The following FBXO7 variants were observed in gnomAD, a reference collection of about 807,000 sequenced individuals.
FBXO7 encodes F-box only protein 7.
Under a neutral mutation model 50.2 loss-of-function variants are expected in FBXO7, and 31 were observed. The observed-to-expected ratio is 0.62, with a 90% confidence interval of 0.46 to 0.83. The LOEUF (loss-of-function observed/expected upper bound fraction) is 0.83. Among genes scored for constraint, FBXO7 ranks in the 40% least tolerant of loss-of-function variants. FBXO7 has a pLI of 0.00. For missense variants in FBXO7, 667 were observed against 646.6 expected (o/e 1.03, Z -0.34); for synonymous variants, 256 against 253.1 (o/e 1.01, Z -0.11).
Position 32,493,137 on chromosome 22 carries a change from G to T in FBXO7, c.1000G>T (p.Val334Phe). Residue 334 changes from valine (V) to phenylalanine (F), a missense_variant, in exon 7 of 9, where the codon GTC (valine) becomes TTC (phenylalanine). Coordinates refer to ENST00000266087, the MANE Select transcript of FBXO7 (RefSeq NM_012179.4). ...CCTACCAGATGTATTTGGGTTGGTCGTCCTCCCATTGGAACTGAAACTACG... is the reference window on the plus strand; with the variant it reads ...CCTACCAGATGTATTTGGGTTGGTCTTCCTCCCATTGGAACTGAAACTACG... ...LNLPDVFGLV[V>F]LPLELKLRIF... 6.2e-7 allele frequency: 1 copy of T among 1,614,018 alleles called. No individual in the cohort carries two copies. The highest frequency in any genetic ancestry group is 8.5e-7 in the Non-Finnish European group (1 of 1,179,986).
intron 1 of FBXO7, chr22:32,476,010 G>C (rs2057426107): frequency 6.6e-6 from 1 of 152,138 alleles, no homozygotes; most frequent in Non-Finnish European, 1.5e-5. Flanking sequence ...ACTTGAGTGT[G>C]CTAAGGAAAA....
rs564650251 is a variant in FBXO7, at chr22:32,479,188, C to T, written c.330C>T (p.Ser110=). ...NNEQPSLATS[S]NQTSMQDEQP... is the part of the protein sequence containing the mutation. ...AGCAACCCTCTTTGGCCACCAGCTC[C>T]AATCAGACTAGCATGCAGGATGAAC... Residue 110 remains serine, a synonymous_variant, in exon 2 of 9, where the codon TCC becomes TCT. Coordinates refer to ENST00000266087, the MANE Select transcript of FBXO7 (RefSeq NM_012179.4). 24 of 1,614,086 alleles carry T rather than the reference C, an allele frequency of 1.5e-5. No individual in the cohort carries two copies. In the Admixed American group the frequency reaches 2.5e-4, roughly 17 times the overall value.
At chr22:32,479,451 G>A (rs2057450655) in intron 2 of FBXO7, among the ~76,000 whole-genome samples, 176 bp downstream of exon 2, 1 of 147,298 alleles carries the variant, frequency 6.8e-6, no homozygotes, top group South Asian at 2.1e-4. Context: ...AGGCTGGAGT[G>A]CAGTGGCGCA....
chr22:32,491,525 C>G (rs1216129291), intron 6 of FBXO7: 1 of 225,446 alleles, frequency 4.4e-6, no homozygotes, highest in African/African-American at 2.5e-5. Flanking sequence ...TGCTCTTTCT[C>G]TCTGTGTAGA....
rs903085866 is a variant in FBXO7, at chr22:32,479,115, A to G, written c.257A>G (p.Asn86Ser). ...CTTCAAGATGACATTCCAGCGCCTA[A>G]TATACCTTCATCCACAGATTCAGAG... is the stretch of plus-strand genomic sequence containing the variant. ...LILQDDIPAPNIPSSTDSEHS... is the reference protein window; with the variant it reads ...LILQDDIPAPSIPSSTDSEHS... Residue 86 changes from asparagine to serine, a missense_variant, in exon 2 of 9, where the codon AAT becomes AGT. Asn to Ser is a conservative substitution (Grantham distance 46, BLOSUM62 1). Coordinates refer to ENST00000266087, the MANE Select transcript of FBXO7 (RefSeq NM_012179.4). 6.2e-7 allele frequency: 1 copy of G among 1,614,190 alleles called. No homozygotes were observed. The highest frequency in any genetic ancestry group is 2.2e-5 in the East Asian group (1 of 44,876).
chr22:32,482,927 G>A (rs554645779), intron 2 of FBXO7, among the ~76,000 whole-genome samples: 55 of 152,324 alleles, frequency 3.6e-4, no homozygotes, highest in African/African-American at 1.1e-3. Flanking sequence ...AATCAAGCCC[G>A]TTGCAAGGCA....
At chr22:32,492,935 G>T in intron 6 of FBXO7, 170 bp from the exon 7 acceptor site, 1 of 691,866 alleles carries the variant, frequency 1.4e-6, no homozygotes, top group East Asian at 2.7e-5. Flanking sequence ...TTATAGTCAA[G>T]CTGGGGTTAA....
At chr22:32,486,673 G>A (rs1452955435) in intron 4 of FBXO7, among the ~76,000 whole-genome samples, 1 of 152,096 alleles carries the variant, frequency 6.6e-6, no homozygotes, top group Non-Finnish European at 1.5e-5. Flanking sequence ...AAGATTCTTT[G>A]AAATGTTATT....
intron 1 of FBXO7, among the ~76,000 whole-genome samples, chr22:32,478,614 G>A (rs148313383): frequency 2.9e-3 from 439 of 152,294 alleles, no homozygotes; most frequent in Admixed American, 4.1e-3. Context: ...TAGCTCCTCT[G>A]GAGGCTGAGG....
At chr22:32,492,849 T>A (rs1308463729) in intron 6 of FBXO7, 3 of 515,186 alleles carry the variant, frequency 5.8e-6, no homozygotes, top group East Asian at 3.5e-5. Flanking sequence ...GTTATTTGAT[T>A]TATATTAAAA....
In FBXO7 at chr22:32,493,099, T is replaced by C. The variant is rs925636794; in HGVS notation, c.968-6T>C. ...ATACCTGTTACTTCTCTTTTTTTCC[T>C]TTTAGCACTGAACCTACCAGATGTA... On this transcript the variant is annotated splice_polypyrimidine_tract_variant and splice_region_variant and intron_variant, in intron 6 of 8. Transcript: ENST00000266087. 11 of 1,613,942 alleles carry C rather than the reference T, an allele frequency of 6.8e-6. No homozygotes were observed. The highest frequency in any genetic ancestry group is 9.3e-6 in the Non-Finnish European group (11 of 1,179,904).
At chr22:32,496,384 A>G (rs547651710) in intron 8 of FBXO7, among the ~76,000 whole-genome samples, 1 of 152,314 alleles carries the variant, frequency 6.6e-6, no homozygotes, top group Non-Finnish European at 1.5e-5. Context: ...CAGGAGGCTG[A>G]GGCAGGAGAA....
intron 3 of FBXO7, among the ~76,000 whole-genome samples, chr22:32,484,681 T>G (rs1019810797): frequency 3.9e-5 from 6 of 152,160 alleles, no homozygotes; most frequent in Non-Finnish European, 5.9e-5. Flanking sequence ...AATAGAATGC[T>G]AGGGGATGAA....
At chr22:32,485,743 A>G (rs1464638352) in intron 4 of FBXO7, among the ~76,000 whole-genome samples, 1 of 152,208 alleles carries the variant, frequency 6.6e-6, no homozygotes, top group Non-Finnish European at 1.5e-5. Context: ...CTCCCCCAAC[A>G]AATGTCACTC....
rs185678080 is a variant in FBXO7, at chr22:32,488,061, T to C, written c.871+233T>C. The C allele has an allele frequency of 1.1e-3, 479 of 454,740 alleles. 3 individuals carry two copies. The highest frequency in any genetic ancestry group is 8.9e-3 in the African/African-American group (449 of 50,394). 28.2% of individuals were successfully genotyped at this position (454,740 alleles called of 1,614,324 possible). ...CTTAGGGTCATAGTGTGCTGAATTA[T>C]ATTGTTATGAGATAACACTAGTATG... On this transcript the variant is annotated intron_variant, in intron 5 of 8. Transcript: ENST00000266087.
At chr22:32,492,014 C>T (rs1445885977) in intron 6 of FBXO7, 4 of 152,062 alleles carry the variant, frequency 2.6e-5, no homozygotes, top group East Asian at 1.9e-4. Flanking sequence ...GTTGGTTCAA[C>T]GCTTTTGCCC....
chr22:32,497,384 A>G (rs1422437878), intron 8 of FBXO7, among the ~76,000 whole-genome samples: 2 of 152,146 alleles, frequency 1.3e-5, no homozygotes, highest in Non-Finnish European at 2.9e-5. Flanking sequence ...GTTAGGTCTC[A>G]CAAGATTTGG....
chr22:32,493,162 G>A lies in FBXO7; in HGVS notation c.1025G>A (p.Arg342Gln). The A allele has an allele frequency of 1.9e-6, 3 of 1,614,068 alleles. No homozygotes were observed. Among genetic ancestry groups the A allele is most frequent in the African/African-American group, 1.3e-5 (1 of 75,014 alleles). The change falls in exon 7 of 9, where the codon CGG becomes CAG. Residue 342 changes from arginine (R) to glutamine (Q), a missense_variant. Transcript: ENST00000266087. ...LVVLPLELKLRIFRLLDVRSV... is the reference protein window; with the variant it reads ...LVVLPLELKLQIFRLLDVRSV... Reference sequence around the variant, plus strand: ...GTCCTCCCATTGGAACTGAAACTACGGATCTTCCGACTTCTGGATGTTCGT... The same window carrying A: ...GTCCTCCCATTGGAACTGAAACTACAGATCTTCCGACTTCTGGATGTTCGT...
chr22:32,475,144 G>C lies in FBXO7; in HGVS notation c.122+20G>C. 1 of 1,537,602 alleles carries C rather than the reference G, an allele frequency of 6.5e-7. No individual in the cohort carries two copies. The highest frequency in any genetic ancestry group is 1.2e-5 in the South Asian group (1 of 83,174). ...GTACAGGTACGCTGGGGCCGGGGCT[G>C]GGCGGCCCGCGGGGAGTGGGGAGTG... On this transcript the variant is annotated intron_variant, in intron 1 of 8. Coordinates refer to ENST00000266087, the MANE Select transcript of FBXO7 (RefSeq NM_012179.4).
Sources: allele counts gnomAD v4.1 joint callset (sites outside exome capture counted in the v4.1 genomes callset), GRCh38; gene constraint gnomAD v4.1.1; transcripts MANE v1.5; gene names NCBI Gene and HGNC (gene_info 2026-07-23, HGNC 2026-07-21).